The following SAXO1 variants were observed in gnomAD, a reference collection of about 807,000 sequenced individuals.
The protein encoded by SAXO1 is stabilizer of axonemal microtubules 1.
In SAXO1, 21 loss-of-function variants were observed where a neutral mutation model predicts 17.5. The observed-to-expected ratio is 1.20, with a 90% CI of 0.85 to 1.72. The LOEUF is 1.72. SAXO1 is among the 40% of genes most tolerant of loss of function. The probability of loss-of-function intolerance (pLI) is 0.00; values close to 1 mark genes in which losing one functional copy is unlikely to be tolerated. For synonymous variants in SAXO1, 274 were observed against 216.5 expected (o/e 1.27, Z -2.33); for missense variants, 843 against 596.0 (o/e 1.41, Z -4.32).
intron 1 of SAXO1, among the ~76,000 whole-genome samples, chr9:19,032,371 C>T (rs1480640141): frequency 6.6e-6 from 1 of 152,214 alleles, no homozygotes. Flanking sequence ...GGCCAGGCGA[C>T]TGTGAAAGTA....
intron 1 of SAXO1, among the ~76,000 whole-genome samples, chr9:18,985,432 G>A (rs1055717203): frequency 1.3e-5 from 2 of 152,164 alleles, no homozygotes; most frequent in African/African-American, 4.8e-5. Flanking sequence ...TGCAAAGTGC[G>A]ATAAAGCAAA....
chr9:18,970,073 C>T (rs1435533155), intron 1 of SAXO1, among the ~76,000 whole-genome samples: 1 of 152,168 alleles, frequency 6.6e-6, no homozygotes, highest in African/African-American at 2.4e-5. Flanking sequence ...CTCTGCCTTA[C>T]TAAGCTTGCA....
intron 1 of SAXO1, among the ~76,000 whole-genome samples, chr9:18,973,551 A>T (rs1159629918): frequency 3.9e-5 from 6 of 152,230 alleles, no homozygotes; most frequent in Non-Finnish European, 7.3e-5. Context: ...CCTTGTTATC[A>T]TTACACATCC....
chr9:18,973,462 A>G (rs1833026026), intron 1 of SAXO1, among the ~76,000 whole-genome samples: 1 of 152,244 alleles, frequency 6.6e-6, no homozygotes, highest in African/African-American at 2.4e-5. Flanking sequence ...TTTTCTCTAG[A>G]GCGTTGCCTT....
At chr9:19,010,317 G>C (rs1834675450) in intron 1 of SAXO1, among the ~76,000 whole-genome samples, 1 of 152,058 alleles carries the variant, frequency 6.6e-6, no homozygotes, top group African/African-American at 2.4e-5. Flanking sequence ...CACATTTTTA[G>C]GGCTGGAACC....
intron 1 of SAXO1, among the ~76,000 whole-genome samples, chr9:19,045,792 C>T: frequency 6.6e-6 from 1 of 152,194 alleles, no homozygotes. Context: ...AACCAATGAT[C>T]ACTGAACAAA....
At chr9:18,947,002 T>G (rs1831823341) in intron 2 of SAXO1, among the ~76,000 whole-genome samples, 1 of 151,426 alleles carries the variant, frequency 6.6e-6, no homozygotes, top group African/African-American at 2.5e-5. Context: ...GAACAGAGCA[T>G]CCGTGAAAGA....
intron 1 of SAXO1, among the ~76,000 whole-genome samples, chr9:18,997,281 CA>C: frequency 6.6e-6 from 1 of 152,364 alleles, no homozygotes; most frequent in Non-Finnish European, 1.5e-5. Flanking sequence ...ACCAGCAGAC[CA>C]GGACATTCCC....
At chr9:18,979,885 T>G (rs1833301033) in intron 1 of SAXO1, among the ~76,000 whole-genome samples, 1 of 152,146 alleles carries the variant, frequency 6.6e-6, no homozygotes, top group South Asian at 2.1e-4. Context: ...CAATGGCAGT[T>G]GTCTGGCTAT....
At chr9:18,950,617 C>T (rs1417354451) in intron 2 of SAXO1, 141 bp downstream of exon 2, 6 of 700,010 alleles carry the variant, frequency 8.6e-6, no homozygotes, top group Non-Finnish European at 1.4e-5. Flanking sequence ...AGATATAGTA[C>T]ATTAAGGCAT....
Position 18,927,995 on chromosome 9 carries a change from T to A in SAXO1, c.*57A>T. The A allele has an allele frequency of 6.9e-7, 1 of 1,449,900 alleles. No individual in the cohort carries two copies. Among genetic ancestry groups the A allele is most frequent in the Non-Finnish European group, 9.2e-7 (1 of 1,092,532 alleles). The allele number at this position is 1,449,900 out of a possible 1,614,324, so 89.8% of individuals were successfully genotyped here. A position where few individuals can be genotyped will look rare whatever the true frequency, so the allele number is the denominator to read the frequency against. On this transcript the variant is annotated 3_prime_UTR_variant, in exon 4 of 4. Transcript: ENST00000380534. ...AATTCTTTTTTGTCCAACAAATAATTCTCAGTTGTCTGCTTTTAAAAGTAC... is the reference window on the plus strand; with the variant it reads ...AATTCTTTTTTGTCCAACAAATAATACTCAGTTGTCTGCTTTTAAAAGTAC...
chr9:18,973,445 G>T (rs1833025288), intron 1 of SAXO1, among the ~76,000 whole-genome samples: 1 of 152,236 alleles, frequency 6.6e-6, no homozygotes, highest in African/African-American at 2.4e-5. Context: ...TAGGTAGATA[G>T]GAATGATTTT....
chr9:18,979,271 A>G (rs948157325), intron 1 of SAXO1, among the ~76,000 whole-genome samples: 2 of 152,256 alleles, frequency 1.3e-5, no homozygotes, highest in South Asian at 2.1e-4. Flanking sequence ...ATATACTACT[A>G]AAACAAGAGG....
intron 1 of SAXO1, among the ~76,000 whole-genome samples, chr9:19,032,026 T>A (rs543318104): frequency 6.6e-6 from 1 of 152,326 alleles, no homozygotes; most frequent in African/African-American, 2.4e-5. Flanking sequence ...ACTCTTACAA[T>A]AGTCCTATGA....
At position 19,027,367 on chromosome 9, in the gene SAXO1, G is replaced by T. The variant is rs904263450; in HGVS notation, c.38+5504C>A. 3 of 774,188 alleles carry T rather than the reference G, an allele frequency of 3.9e-6. No individual in the cohort carries two copies. The African/African-American group carries it at 5.1e-5, about 13-fold the overall frequency. 48.0% of individuals were successfully genotyped at this position (774,188 alleles called of 1,614,324 possible). The stretch of plus-strand genomic sequence containing the variant: ...GTACGACTCGCGGGTGAAGGCCACA[G>T]AGGTGGATGAGAGACCCACGGAGCA... On this transcript the variant is annotated intron_variant, in intron 1 of 3. Transcript: ENST00000380534.
chr9:18,979,146 G>A (rs1235468419), intron 1 of SAXO1, among the ~76,000 whole-genome samples: 1 of 152,054 alleles, frequency 6.6e-6, no homozygotes, highest in Non-Finnish European at 1.5e-5. Context: ...GCAACTATAG[G>A]TCCAAAGCAC....
chr9:19,034,140 G>A (rs968160446), upstream of SAXO1, among the ~76,000 whole-genome samples: 26 of 152,346 alleles, frequency 1.7e-4, no homozygotes, highest in African/African-American at 6.3e-4. Flanking sequence ...GGAAATGGGA[G>A]CTTAAAGTAT....
chr9:19,033,004 C>G lies in SAXO1; in HGVS notation c.-96G>C. The G allele has an allele frequency of 7.5e-7, 1 of 1,337,066 alleles. No individual in the cohort carries two copies. Among genetic ancestry groups the G allele is most frequent in the South Asian group, 1.4e-5 (1 of 69,456 alleles). The allele number at this position is 1,337,066 out of a possible 1,614,324, so 82.8% of individuals were successfully genotyped here. On this transcript the variant is annotated 5_prime_UTR_variant, in exon 1 of 4. Coordinates refer to ENST00000380534, the MANE Select transcript of SAXO1 (RefSeq NM_153707.4). ...ACCTGTCTTGGGGCACGCCCAGGCT[C>G]GAGGGTCTTGGCAGGTGTTCTGTTT...
At chr9:19,044,697 C>T in intron 1 of SAXO1, among the ~76,000 whole-genome samples, 1 of 151,824 alleles carries the variant, frequency 6.6e-6, no homozygotes, top group Non-Finnish European at 1.5e-5. Flanking sequence ...CCCGTCTCTA[C>T]TAAAAATACA....
Sources: allele counts gnomAD v4.1 joint callset (sites outside exome capture counted in the v4.1 genomes callset), GRCh38; gene constraint gnomAD v4.1.1; transcripts MANE v1.5; gene names NCBI Gene and HGNC (gene_info 2026-07-23, HGNC 2026-07-21).